PODXL2: variants seen among roughly 807,000 people sequenced by gnomAD.
PODXL2 encodes podocalyxin-like protein 2.
In PODXL2, 17 loss-of-function variants were observed where a neutral mutation model predicts 53.4. The ratio of observed to expected loss-of-function variants is 0.32; its 90% confidence interval spans 0.22 to 0.48. The LOEUF (loss-of-function observed/expected upper bound fraction) is 0.48, where lower values mean the gene tolerates loss of function less well. Ranked by LOEUF, PODXL2 falls within the 20% of genes least tolerant of loss-of-function variation. The pLI is 0.99. For missense variants in PODXL2, 673 were observed against 760.0 expected (o/e 0.89, Z 1.35); for synonymous variants, 311 against 306.7 (o/e 1.01, Z -0.15).
At chr3:127,668,292 C>A in intron 4 of PODXL2, 149 bp from the exon 5 acceptor site, 1 of 606,932 alleles carries the variant, frequency 1.6e-6, no homozygotes, top group Non-Finnish European at 2.5e-6. Context: ...TGGCTTGCAG[C>A]TCTCAGAGGG....
Position 127,672,491 on chromosome 3 carries a change from G to C in PODXL2, c.*11G>C, listed in dbSNP as rs1187715074. ...GACACGCACCTGTGAGCGCAGCCGA[G>C]GCGCAGGCCGAGTGGGCCGCCAGGA... On this transcript the variant is annotated 3_prime_UTR_variant, in exon 8 of 8. Coordinates refer to ENST00000342480, the MANE Select transcript of PODXL2 (RefSeq NM_015720.4). The C allele has an allele frequency of 6.8e-7, 1 of 1,467,022 alleles. No homozygotes were observed. The highest frequency in any genetic ancestry group is 2.6e-5 in the East Asian group (1 of 37,992). 90.9% of individuals were successfully genotyped at this position (1,467,022 alleles called of 1,614,324 possible). A position where few individuals can be genotyped will look rare whatever the true frequency, so the allele number is the denominator to read the frequency against.
intron 2 of PODXL2, among the ~76,000 whole-genome samples, chr3:127,650,726 G>A (rs903116528): frequency 1.4e-4 from 21 of 151,950 alleles, no homozygotes; most frequent in Admixed American, 4.6e-4. Context: ...GTGCGATCTC[G>A]GCTCACTGCA....
At chr3:127,630,572 C>T (rs760693946) in intron 1 of PODXL2, among the ~76,000 whole-genome samples, 1 of 152,102 alleles carries the variant, frequency 6.6e-6, no homozygotes, top group Non-Finnish European at 1.5e-5. Flanking sequence ...ACAGTCTTTG[C>T]CTGAGGTGGG....
At position 127,660,826 on chromosome 3, in the gene PODXL2, G is replaced by A; in HGVS notation, c.798G>A (p.Glu266=). The stretch of plus-strand genomic sequence containing the variant: ...AGGACTCCACCAGCCAAGAGGCAGA[G>A]GCCACAGTGCTGCCAGCTGCAGGGC... ...GDQDSTSQEA[E]ATVLPAAGLG... is the part of the protein sequence containing the mutation. Residue 266 remains glutamate (E), a synonymous_variant, in exon 3 of 8, where the codon GAG becomes GAA. Transcript: ENST00000342480. 2 of 1,614,238 alleles carry A rather than the reference G, an allele frequency of 1.2e-6. No homozygotes were observed. Among genetic ancestry groups the A allele is most frequent in the Non-Finnish European group, 8.5e-7 (1 of 1,180,038 alleles).
intron 2 of PODXL2, among the ~76,000 whole-genome samples, chr3:127,655,063 C>T (rs2074713564): frequency 6.6e-6 from 1 of 152,142 alleles, no homozygotes; most frequent in Non-Finnish European, 1.5e-5. Flanking sequence ...ATGCCTCAGC[C>T]TCCCAAACAG....
At chr3:127,665,237 G>A (rs1370865205) in intron 4 of PODXL2, among the ~76,000 whole-genome samples, 4 of 152,060 alleles carry the variant, frequency 2.6e-5, no homozygotes, top group Non-Finnish European at 5.9e-5. Context: ...ATAGTTCCTC[G>A]GCCTTTCTTT....
At chr3:127,652,197 C>G (rs963973665) in intron 2 of PODXL2, among the ~76,000 whole-genome samples, 1 of 152,232 alleles carries the variant, frequency 6.6e-6, no homozygotes, top group Non-Finnish European at 1.5e-5. Flanking sequence ...AAGAATCCTC[C>G]TCTCCTGGGC....
chr3:127,661,311 G>A (rs1190507899), intron 3 of PODXL2, 152 bp downstream of exon 3: 2 of 628,112 alleles, frequency 3.2e-6, no homozygotes, highest in African/African-American at 1.8e-5. Flanking sequence ...TTGTGGGGAT[G>A]CAAACCTCAG....
At chr3:127,657,730 C>T (rs1012577135) in intron 2 of PODXL2, among the ~76,000 whole-genome samples, 1 of 152,200 alleles carries the variant, frequency 6.6e-6, no homozygotes, top group Non-Finnish European at 1.5e-5. Flanking sequence ...ACCCATCTGA[C>T]TCCTATTCTG....
Position 127,633,468 on chromosome 3 carries a change from A to G in PODXL2, c.70+4179A>G, listed in dbSNP as rs1305205189. On this transcript the variant is annotated intron_variant, in intron 1 of 7. Transcript: ENST00000342480. The stretch of plus-strand genomic sequence containing the variant: ...TGTAAAACAAGAGGGTTGGATTACA[A>G]ATTTTGTGTGTGTGTGTGTGTGTGT... Among the ~76,000 whole-genome samples the G allele has an allele frequency of 6.8e-5, 6 of 88,840 alleles. No individual in the cohort carries two copies. The East Asian group carries it at 1.1e-3, about 16-fold the overall frequency. 58.3% of individuals were successfully genotyped at this position (88,840 alleles called of 152,430 possible).
intron 2 of PODXL2, among the ~76,000 whole-genome samples, chr3:127,647,270 C>T (rs1373068873): frequency 6.6e-6 from 1 of 152,178 alleles, no homozygotes; most frequent in Non-Finnish European, 1.5e-5. Flanking sequence ...TGCTGCTCCA[C>T]CAGCTAGCAT....
At chr3:127,650,870 A>G (rs982021479) in intron 2 of PODXL2, among the ~76,000 whole-genome samples, 2 of 152,086 alleles carry the variant, frequency 1.3e-5, no homozygotes, top group Non-Finnish European at 2.9e-5. Context: ...CGTTTTAGCC[A>G]GGATGGTCTC....
intron 2 of PODXL2, among the ~76,000 whole-genome samples, chr3:127,655,132 G>T (rs1178096046): frequency 1.3e-5 from 2 of 151,856 alleles, no homozygotes; most frequent in South Asian, 4.2e-4. Context: ...TAGTAGAGAC[G>T]GGATTTCACC....
chr3:127,669,325 T>C (rs2074816162), intron 6 of PODXL2, 123 bp downstream of exon 6: 1 of 678,024 alleles, frequency 1.5e-6, no homozygotes, highest in Non-Finnish European at 2.5e-6. Context: ...GAGCGTGCTC[T>C]GGGCAGGTTC....
At chr3:127,665,339 G>C (rs1411522590) in intron 4 of PODXL2, among the ~76,000 whole-genome samples, 3 of 152,218 alleles carry the variant, frequency 2.0e-5, no homozygotes, top group Non-Finnish European at 4.4e-5. Flanking sequence ...TTCAGAAAAA[G>C]ACAGGGAGAA....
intron 2 of PODXL2, among the ~76,000 whole-genome samples, chr3:127,657,869 C>T (rs148793780): frequency 6.6e-6 from 1 of 152,096 alleles, no homozygotes; most frequent in Non-Finnish European, 1.5e-5. Flanking sequence ...TATATTTATT[C>T]TTCTATATAC....
rs555484786 is a variant in PODXL2 at position 127,646,490 on chromosome 3, T to A, written c.349+6967T>A. ...GCAACCTCCGCCTCCCAGGTTCAAG[T>A]GATTCTCCTGCCTCAGCCTCCCAAG... On this transcript the variant is annotated intron_variant, in intron 2 of 7. Coordinates refer to ENST00000342480, the MANE Select transcript of PODXL2 (RefSeq NM_015720.4). Among the ~76,000 whole-genome samples the A allele has an allele frequency of 2.6e-5, 4 of 151,982 alleles. No homozygotes were observed. The East Asian group carries it at 7.7e-4, about 29-fold the overall frequency.
rs1278836159 is a variant in PODXL2 at position 127,639,293 on chromosome 3, A to G, written c.119A>G (p.Glu40Gly). 1.2e-6 allele frequency: 2 copies of G among 1,613,202 alleles called. No individual in the cohort carries two copies. The highest frequency in any genetic ancestry group is 1.7e-5 in the Admixed American group (1 of 59,998). Residue 40 changes from glutamate to glycine, a missense_variant, in exon 2 of 8, where the codon GAG (glutamate) becomes GGG (glycine). Physicochemically the swap from Glu to Gly is moderately conservative, Grantham distance 98 (BLOSUM62 -2). Transcript: ENST00000342480. ...GCTGGGTCTGATGAGCCTGGCCCAG[A>G]GGGCCTCACCTCCACCTCCCTGCTA... ...CVAGSDEPGP[E>G]GLTSTSLLDL... is the part of the protein sequence containing the mutation.
At chr3:127,665,296 A>AT (rs1199123318) in intron 4 of PODXL2, among the ~76,000 whole-genome samples, 3 of 152,250 alleles carry the variant, frequency 2.0e-5, no homozygotes, top group Non-Finnish European at 2.9e-5. Flanking sequence ...ATAAATGTGC[A>AT]TAAAAACTGA....
Sources: allele counts gnomAD v4.1 joint callset (sites outside exome capture counted in the v4.1 genomes callset), GRCh38; gene constraint gnomAD v4.1.1; transcripts MANE v1.5; gene names NCBI Gene and HGNC (gene_info 2026-07-23, HGNC 2026-07-21).